The following IFIH1 variants were observed in gnomAD, a reference collection of about 807,000 sequenced individuals.
The protein encoded by IFIH1 is interferon-induced helicase C domain-containing protein 1.
IFIH1 carries 125 observed loss-of-function variants against 107.4 expected under a neutral mutation model. The ratio of observed to expected loss-of-function variants is 1.16; its 90% CI spans 1.01 to 1.35. IFIH1 has a LOEUF of 1.35. Ranked by LOEUF, IFIH1 falls within the 40% of genes most tolerant of loss-of-function variation. The pLI is 0.00. For missense variants in IFIH1, 1,333 were observed against 1,213.7 expected (o/e 1.10, Z -1.46); for synonymous variants, 458 against 413.2 (o/e 1.11, Z -1.31).
intron 13 of IFIH1, 66 bp downstream of exon 13, chr2:162,272,160 A>G (rs80026103): frequency 3.1e-6 from 4 of 1,275,800 alleles, no homozygotes; most frequent in East Asian, 2.4e-5. Flanking sequence ...AGTCACAGAG[A>G]TATCAATGGC....
chr2:162,270,365 C>T (rs1297682250), intron 13 of IFIH1, among the ~76,000 whole-genome samples: 1 of 152,168 alleles, frequency 6.6e-6, no homozygotes, highest in Non-Finnish European at 1.5e-5. Flanking sequence ...TCTTATCTGT[C>T]AATTCTCATC....
At chr2:162,268,740 C>T (rs143166730) in intron 13 of IFIH1, among the ~76,000 whole-genome samples, 1 of 152,048 alleles carries the variant, frequency 6.6e-6, no homozygotes, top group Non-Finnish European at 1.5e-5. Flanking sequence ...CAGGCACCTG[C>T]CACCATGCTC....
intron 13 of IFIH1, among the ~76,000 whole-genome samples, chr2:162,271,949 G>A (rs1691048616): frequency 6.6e-6 from 1 of 152,144 alleles, no homozygotes; most frequent in Non-Finnish European, 1.5e-5. Flanking sequence ...GATTGAATCA[G>A]TGAGTTGCAG....
intron 5 of IFIH1, 101 bp downstream of exon 5, chr2:162,288,034 A>G (rs1044223733): frequency 1.5e-6 from 1 of 685,432 alleles, no homozygotes; most frequent in Non-Finnish European, 2.4e-6. Flanking sequence ...ACTCTTAATT[A>G]AACTAAACAT....
chr2:162,293,654 A>T lies in IFIH1; in HGVS notation c.784T>A (p.Leu262Met). Reference sequence around the variant, plus strand: ...AAGCAGCTGACACTTCCTTCTGCCAAACTTGTGTCTGATTCTGCAAAGGAA... The same window carrying T: ...AAGCAGCTGACACTTCCTTCTGCCATACTTGTGTCTGATTCTGCAAAGGAA... ...SSVVSESDTSLAEGSVSCLDE... is the reference protein window; with the variant it reads ...SSVVSESDTSMAEGSVSCLDE... The change falls in exon 4 of 16, where the codon TTG becomes ATG. Residue 262 changes from leucine to methionine, a missense_variant. Coordinates refer to ENST00000649979, the MANE Select transcript of IFIH1 (RefSeq NM_022168.4). 1 of 1,609,362 alleles carries T rather than the reference A, an allele frequency of 6.2e-7. No homozygotes were observed.
At position 162,273,814 on chromosome 2, in the gene IFIH1, T is replaced by A. The variant is rs199638804; in HGVS notation, c.2435A>T (p.Asn812Ile). 1 of 1,597,520 alleles carries A rather than the reference T, an allele frequency of 6.3e-7. No homozygotes were observed. Among genetic ancestry groups the A allele is most frequent in the South Asian group, 1.1e-5 (1 of 87,526 alleles). ...ATGTACCTGGACCATGGCTATTTCA[T>A]TGGTGACGAGACCATAACGGATAAC... The part of the protein sequence containing the change: ...NIVIRYGLVT[N>I]EIAMVQARGR... The change falls in exon 12 of 16, where the codon AAT becomes ATT. Residue 812 changes from asparagine to isoleucine, a missense_variant. Coordinates refer to ENST00000649979, the MANE Select transcript of IFIH1 (RefSeq NM_022168.4).
intron 1 of IFIH1, among the ~76,000 whole-genome samples, chr2:162,312,804 C>G (rs1342787767): frequency 2.0e-5 from 3 of 152,120 alleles, no homozygotes; most frequent in African/African-American, 7.2e-5. Flanking sequence ...GTTTCAGTGT[C>G]TTCTTTTAAC....
At chr2:162,282,220 C>T (rs1682821941) in intron 6 of IFIH1, 146 bp downstream of exon 6, 3 of 545,510 alleles carry the variant, frequency 5.5e-6, no homozygotes, top group Admixed American at 3.6e-5. Context: ...TTTTTTGTTT[C>T]CTCCAGGAAG....
At position 162,272,211 on chromosome 2, in the gene IFIH1, G is replaced by A; in HGVS notation, c.2616+15C>T. 1 of 1,603,646 alleles carries A rather than the reference G, an allele frequency of 6.2e-7. No homozygotes were observed. The highest frequency in any genetic ancestry group is 8.5e-7 in the Non-Finnish European group (1 of 1,173,356). ...TTTTTAAATGAAAATCAAATTCAGAGGTGACCAACAATACCTTATGAGCAT... is the reference window on the plus strand; with the variant it reads ...TTTTTAAATGAAAATCAAATTCAGAAGTGACCAACAATACCTTATGAGCAT... On this transcript the variant is annotated intron_variant, in intron 13 of 15. Transcript: ENST00000649979.
intron 3 of IFIH1, among the ~76,000 whole-genome samples, chr2:162,305,261 A>G (rs1683261361): frequency 1.3e-5 from 2 of 152,182 alleles, no homozygotes; most frequent in African/African-American, 2.4e-5. Flanking sequence ...ATGCATGCAT[A>G]TTACTTATCT....
Position 162,311,450 on chromosome 2 carries a change from TC to T in IFIH1, c.454-518del, listed in dbSNP as rs1211381019. On this transcript the variant is annotated intron_variant, in intron 1 of 15. Coordinates refer to ENST00000649979, the MANE Select transcript of IFIH1 (RefSeq NM_022168.4). ...ATTACTACTGCAGATTTATATTTTT[TC>T]CTATGTAATATTTGCATAGTTGATT... Among the ~76,000 whole-genome samples the T allele has an allele frequency of 2.0e-5, 3 of 152,242 alleles. No homozygotes were observed. The East Asian group carries it at 5.8e-4, about 29-fold the overall frequency.
At position 162,267,211 on chromosome 2, in the gene IFIH1, C is replaced by G. The variant is rs1559808617; in HGVS notation, c.3067G>C (p.Asp1023His). Residue 1023 changes from aspartate (D) to histidine (H), a missense_variant, in exon 16 of 16, where the codon GAT (aspartate) becomes CAT (histidine). By Grantham distance (81) the Asp-to-His change is moderately conservative. Coordinates refer to ENST00000649979, the MANE Select transcript of IFIH1 (RefSeq NM_022168.4). The part of the protein sequence containing the change: ...LDYSECCLFS[D>H]ED Reference sequence around the variant, plus strand: ...TCTTCAATCAAGTGCTAATCCTCATCACTAAATAAACAGCATTCTGAATAG... The same window carrying G: ...TCTTCAATCAAGTGCTAATCCTCATGACTAAATAAACAGCATTCTGAATAG... 6.3e-7 allele frequency: 1 copy of G among 1,586,276 alleles called. No individual in the cohort carries two copies. The highest frequency in any genetic ancestry group is 8.5e-7 in the Non-Finnish European group (1 of 1,170,854).
intron 1 of IFIH1, among the ~76,000 whole-genome samples, chr2:162,315,593 G>C (rs1251616614): frequency 6.6e-6 from 1 of 152,146 alleles, no homozygotes; most frequent in Non-Finnish European, 1.5e-5. Flanking sequence ...AATACTGTGA[G>C]AAATTTTATG....
intron 1 of IFIH1, among the ~76,000 whole-genome samples, chr2:162,314,768 G>A (rs544258807): frequency 4.6e-5 from 7 of 152,132 alleles, no homozygotes; most frequent in East Asian, 1.9e-4. Context: ...GATTACAGGC[G>A]TAAGCCACCA....
rs189443152 is a variant in IFIH1, at chr2:162,310,830, C to G, written c.557G>C (p.Arg186Pro). ...NWFSAFLNVL[R>P]QTGNNELVQE... ...GACAAGTTCATTGTTTCCTGTTTGA[C>G]GAAGAACATTCAGAAATGCAGAGAA... Residue 186 changes from arginine to proline, a missense_variant, in exon 2 of 16, where the codon CGT becomes CCT. Transcript: ENST00000649979. 1.4e-5 allele frequency: 23 copies of G among 1,613,676 alleles called. No homozygotes were observed. The highest frequency in any genetic ancestry group is 1.9e-5 in the Non-Finnish European group (23 of 1,179,694).
At chr2:162,293,880 C>T (rs927732178) in intron 3 of IFIH1, among the ~76,000 whole-genome samples, 1 of 151,786 alleles carries the variant, frequency 6.6e-6, no homozygotes, top group African/African-American at 2.4e-5. Context: ...GATTCAAATA[C>T]ATATTACCTA....
At chr2:162,289,321 G>A (rs12466054) in intron 4 of IFIH1, among the ~76,000 whole-genome samples, 22,129 of 151,184 alleles carry the variant, frequency 0.15, 3,878 homozygotes, top group African/African-American at 0.4. Context: ...ATTATAATAT[G>A]TCTTGTTTTA....
intron 1 of IFIH1, among the ~76,000 whole-genome samples, chr2:162,314,403 C>CTTTCTTTCTTTCTTTCT (rs1683438939): frequency 1.5e-5 from 1 of 64,804 alleles, no homozygotes. Context: ...TCCCTCCTTT[C>CTTTCTTTCTTTCTTTCT]TTTCTTTCTT....
At position 162,278,315 on chromosome 2, in the gene IFIH1, T is replaced by G; in HGVS notation, c.1655A>C (p.Glu552Ala). 2 of 1,390,324 alleles carry G rather than the reference T, an allele frequency of 1.4e-6. No homozygotes were observed. The highest frequency in any genetic ancestry group is 2.0e-6 in the Non-Finnish European group (2 of 993,378). The allele number at this position is 1,390,324 out of a possible 1,614,324, so 86.1% of individuals were successfully genotyped here. A position where few individuals can be genotyped will look rare whatever the true frequency, so the allele number is the denominator to read the frequency against. The stretch of plus-strand genomic sequence containing the variant: ...CCTTGTCATTATTTCTAGAAGTTTC[T>G]CTTTAAATGGATCCTAAAAATAAAG... Reference protein sequence around the residue: ...ADATREDPFKEKLLEIMTRIQ... With the variant: ...ADATREDPFKAKLLEIMTRIQ... The change falls in exon 9 of 16, where the codon GAG (glutamate) becomes GCG (alanine). Residue 552 changes from glutamate to alanine, a missense_variant. Glu to Ala is a moderately radical substitution (Grantham distance 107). Transcript: ENST00000649979.
Sources: gnomAD v4.1 joint callset for allele counts (sites outside exome capture counted in the v4.1 genomes callset) on GRCh38, gnomAD v4.1.1 for gene constraint, MANE v1.5 for transcripts, NCBI Gene and HGNC (gene_info 2026-07-23, HGNC 2026-07-21) for gene names.